NSMCE2: variants seen among roughly 807,000 people sequenced by gnomAD.
NSMCE2 encodes E3 SUMO-protein ligase NSE2.
A neutral mutation model predicts 23.8 loss-of-function variants in NSMCE2; 24 were observed. The ratio of observed to expected loss-of-function variants is 1.01; its 90% CI spans 0.73 to 1.42. The LOEUF (loss-of-function observed/expected upper bound fraction) is 1.42, where lower values mean the gene tolerates loss of function less well. NSMCE2 is among the 40% of genes most tolerant of loss of function. The probability of loss-of-function intolerance (pLI) is 0.00; values close to 1 mark genes in which losing one functional copy is unlikely to be tolerated. For missense variants in NSMCE2, 284 were observed against 296.5 expected (o/e 0.96, Z 0.31); for synonymous variants, 92 against 94.1 (o/e 0.98, Z 0.13).
intron 5 of NSMCE2, among the ~76,000 whole-genome samples, chr8:125,228,135 T>C (rs897936231): frequency 1.8e-4 from 28 of 152,280 alleles, no homozygotes; most frequent in African/African-American, 6.3e-4. Context: ...TTTTAGATCA[T>C]TTCTTGTTAC....
At chr8:125,296,392 A>ATTTTTTTTT (rs11410793) in intron 5 of NSMCE2, among the ~76,000 whole-genome samples, 1 of 125,746 alleles carries the variant, frequency 8.0e-6, no homozygotes, top group Non-Finnish European at 1.6e-5. Context: ...TGCCATGGTC[A>ATTTTTTTTT]TTTTTTTTTT....
chr8:125,174,202 T>G (rs1329528752), intron 4 of NSMCE2, among the ~76,000 whole-genome samples: 4 of 152,000 alleles, frequency 2.6e-5, no homozygotes, highest in Admixed American at 2.6e-4. Context: ...AATATTTGTT[T>G]CCCCCACTAG....
intron 4 of NSMCE2, 50 bp downstream of exon 4, chr8:125,151,327 C>A: frequency 2.2e-6 from 2 of 909,182 alleles, no homozygotes; most frequent in Non-Finnish European, 1.8e-6. Flanking sequence ...ACTCACTGAC[C>A]GAGAAGTAGA....
At chr8:125,202,408 A>ACC (rs1823925950) in intron 5 of NSMCE2, among the ~76,000 whole-genome samples, 1 of 152,254 alleles carries the variant, frequency 6.6e-6, no homozygotes, top group African/African-American at 2.4e-5. Flanking sequence ...ATATGTTGAT[A>ACC]ACAGTGGTAC....
At chr8:125,094,588 A>G (rs1042979253) in intron 1 of NSMCE2, 2 of 152,180 alleles carry the variant, frequency 1.3e-5, no homozygotes, top group Admixed American at 6.5e-5. Context: ...GATACTTTCC[A>G]TTTATACTGG....
chr8:125,147,983 C>G (rs1356249617), intron 3 of NSMCE2, among the ~76,000 whole-genome samples: 1 of 152,174 alleles, frequency 6.6e-6, no homozygotes, highest in East Asian at 1.9e-4. Flanking sequence ...TCTGGTCTCT[C>G]AGCCCCCTGC....
Position 125,258,840 on chromosome 8 carries a change from A to T in NSMCE2, c.418+76584A>T, listed in dbSNP as rs374561539. On this transcript the variant is annotated intron_variant, in intron 5 of 7. Coordinates refer to ENST00000287437, the MANE Select transcript of NSMCE2 (RefSeq NM_173685.4). ...AGCTATTGCCTGACATTTCCTTGGT[A>T]CAAGACATTGTGGTCACACAACTGA... is the stretch of plus-strand genomic sequence containing the variant. 7.9e-5 allele frequency among the ~76,000 whole-genome samples: 12 copies of T among 152,336 alleles called. No homozygotes were observed. The East Asian group carries it at 1.7e-3, about 22-fold the overall frequency.
intron 5 of NSMCE2, 97 bp downstream of exon 5, chr8:125,182,353 C>T: frequency 2.2e-6 from 2 of 929,236 alleles, no homozygotes; most frequent in Non-Finnish European, 3.4e-6. Context: ...GTTTGCTTAT[C>T]TGCTTGGCTT....
intron 3 of NSMCE2, among the ~76,000 whole-genome samples, chr8:125,136,843 T>C (rs1160034831): frequency 2.0e-5 from 3 of 152,032 alleles, no homozygotes; most frequent in Non-Finnish European, 4.4e-5. Context: ...GTCAATTAAA[T>C]TGAAAATAAA....
At chr8:125,095,469 C>T (rs1281230457) in intron 1 of NSMCE2, among the ~76,000 whole-genome samples, 1 of 151,932 alleles carries the variant, frequency 6.6e-6, no homozygotes, top group African/African-American at 2.4e-5. Flanking sequence ...TGGCGCGCGC[C>T]TGTGGTCCCA....
chr8:125,303,281 A>G (rs1453661871), intron 5 of NSMCE2, among the ~76,000 whole-genome samples: 1 of 152,148 alleles, frequency 6.6e-6, no homozygotes. Flanking sequence ...AACTGAATGG[A>G]CACACCCTAA....
At chr8:125,278,079 A>C (rs1827545626) in intron 5 of NSMCE2, among the ~76,000 whole-genome samples, 1 of 152,212 alleles carries the variant, frequency 6.6e-6, no homozygotes, top group Admixed American at 6.5e-5. Flanking sequence ...TGCTGTGCAC[A>C]TAGCCCGTGA....
chr8:125,343,510 G>C (rs1563796290), intron 5 of NSMCE2, among the ~76,000 whole-genome samples: 1 of 152,112 alleles, frequency 6.6e-6, no homozygotes, highest in South Asian at 2.1e-4. Context: ...GTGTTGGCAC[G>C]CACCTATAGT....
At chr8:125,147,715 C>CAGT (rs1820768308) in intron 3 of NSMCE2, among the ~76,000 whole-genome samples, 1 of 152,144 alleles carries the variant, frequency 6.6e-6, no homozygotes, top group South Asian at 2.1e-4. Context: ...TCTGCCTGAT[C>CAGT]AGTACCTCCA....
chr8:125,148,393 C>T (rs1299525986), intron 3 of NSMCE2, among the ~76,000 whole-genome samples: 1 of 152,202 alleles, frequency 6.6e-6, no homozygotes, highest in Non-Finnish European at 1.5e-5. Context: ...TTTCGTTTTG[C>T]AGCTCTTTTG....
At chr8:125,242,105 G>A (rs947787187) in intron 5 of NSMCE2, among the ~76,000 whole-genome samples, 3 of 150,274 alleles carry the variant, frequency 2.0e-5, no homozygotes, top group Non-Finnish European at 4.4e-5. Flanking sequence ...AACAATAACT[G>A]GGGGGGGAGT....
intron 7 of NSMCE2, among the ~76,000 whole-genome samples, chr8:125,359,798 C>A (rs752840513): frequency 1.3e-5 from 2 of 152,160 alleles, no homozygotes; most frequent in Admixed American, 6.5e-5. Context: ...AAACTTGAGC[C>A]ACTATCAACA....
intron 3 of NSMCE2, among the ~76,000 whole-genome samples, chr8:125,133,497 T>C (rs934833737): frequency 1.3e-5 from 2 of 152,202 alleles, no homozygotes; most frequent in Non-Finnish European, 2.9e-5. Context: ...CCTGACACTT[T>C]GGGAGGCCAA....
chr8:125,288,156 C>T (rs1447676900), intron 5 of NSMCE2, among the ~76,000 whole-genome samples: 3 of 152,064 alleles, frequency 2.0e-5, no homozygotes, highest in Non-Finnish European at 2.9e-5. Flanking sequence ...TGGGCAATTG[C>T]GCTTCTTTCT....
Sources: gnomAD v4.1 joint callset for allele counts (sites outside exome capture counted in the v4.1 genomes callset) on GRCh38, gnomAD v4.1.1 for gene constraint, MANE v1.5 for transcripts, NCBI Gene and HGNC (gene_info 2026-07-23, HGNC 2026-07-21) for gene names.